BBX: variants seen among roughly 807,000 people sequenced by gnomAD.
The protein encoded by BBX is BBX high mobility group box domain containing, also known as HMG box transcription factor BBX.
In BBX, 30 loss-of-function variants were observed where a neutral mutation model predicts 100.2. That is an observed-to-expected ratio of 0.30 (90% CI 0.22 to 0.41). BBX has a LOEUF of 0.41. Ranked by LOEUF, BBX falls within the 10% of genes least tolerant of loss-of-function variation. The pLI is 1.00. For synonymous variants in BBX, 376 were observed against 388.1 expected (o/e 0.97, Z 0.37); for missense variants, 1,023 against 1,129.8 (o/e 0.91, Z 1.35).
At chr3:107,698,125 C>T (rs1374357292) in intron 3 of BBX, among the ~76,000 whole-genome samples, 1 of 151,792 alleles carries the variant, frequency 6.6e-6, no homozygotes, top group Non-Finnish European at 1.5e-5. Flanking sequence ...GAACCCGGTA[C>T]CTCAGATGGA....
intron 2 of BBX, among the ~76,000 whole-genome samples, chr3:107,632,163 G>T (rs1462821965): frequency 1.3e-5 from 2 of 152,030 alleles, no homozygotes; most frequent in Non-Finnish European, 2.9e-5. Context: ...TGCAACCTCC[G>T]CCTCCTGGGT....
intron 2 of BBX, among the ~76,000 whole-genome samples, chr3:107,621,434 G>A (rs1016371866): frequency 3.9e-5 from 6 of 152,130 alleles, no homozygotes; most frequent in Admixed American, 2.0e-4. Flanking sequence ...CTACCTCATG[G>A]ATATGCACAT....
chr3:107,763,287 C>G (rs749355774), intron 10 of BBX, among the ~76,000 whole-genome samples: 1 of 150,524 alleles, frequency 6.6e-6, no homozygotes, highest in African/African-American at 2.4e-5. Flanking sequence ...TGCGGTGGCG[C>G]GATCTCGGCT....
chr3:107,630,646 C>T (rs749076974), intron 2 of BBX, among the ~76,000 whole-genome samples: 60 of 152,054 alleles, frequency 3.9e-4, no homozygotes, highest in Non-Finnish European at 1.3e-4. Flanking sequence ...TAATTCAGTG[C>T]GTAAAACATG....
intron 3 of BBX, among the ~76,000 whole-genome samples, chr3:107,679,059 G>T: frequency 6.6e-6 from 1 of 151,566 alleles, no homozygotes; most frequent in East Asian, 1.9e-4. Flanking sequence ...GTGTCAAATC[G>T]CATGAGATAT....
intron 2 of BBX, among the ~76,000 whole-genome samples, chr3:107,610,415 T>A (rs1044192475): frequency 6.6e-6 from 1 of 152,030 alleles, no homozygotes; most frequent in Non-Finnish European, 1.5e-5. Flanking sequence ...TCTTTGTTAA[T>A]TTTCTGTCCA....
intron 7 of BBX, among the ~76,000 whole-genome samples, chr3:107,742,273 T>G (rs569459235): frequency 6.6e-6 from 1 of 152,176 alleles, no homozygotes; most frequent in African/African-American, 2.4e-5. Context: ...TGTCTTATCC[T>G]GCTGCTGGCA....
At chr3:107,716,463 A>G in intron 4 of BBX, 144 bp from the exon 5 acceptor site, 1 of 1,042,300 alleles carries the variant, frequency 9.6e-7, no homozygotes, top group Non-Finnish European at 1.4e-6. Context: ...GTGGTTGTTG[A>G]TTTTTTAAAA....
rs376079516 is a variant in BBX, at chr3:107,789,839, T to C, written c.2256T>C (p.Tyr752=). 3.0e-5 allele frequency: 47 copies of C among 1,550,350 alleles called. No individual in the cohort carries two copies. Among genetic ancestry groups the C allele is most frequent in the East Asian group, 4.9e-5 (2 of 40,906 alleles). Residue 752 remains tyrosine, a synonymous_variant, in exon 14 of 18, where the codon TAT becomes TAC. Coordinates refer to ENST00000325805, the MANE Select transcript of BBX (RefSeq NM_001142568.3). ...TATTCCACAAAATTGTCAGCAAATA[T>C]AAGCACAAAAAGGAGAAGCCCAATG... ...KNLFHKIVSK[Y]KHKKEKPNVP... is the part of the protein sequence containing the mutation.
chr3:107,760,050 T>C (rs1375127034), intron 10 of BBX, among the ~76,000 whole-genome samples: 1 of 152,224 alleles, frequency 6.6e-6, no homozygotes, highest in African/African-American at 2.4e-5. Flanking sequence ...TCCTCTGAGG[T>C]AGCTACTATC....
intron 2 of BBX, among the ~76,000 whole-genome samples, chr3:107,580,190 T>G (rs530388434): frequency 2.0e-5 from 3 of 152,268 alleles, no homozygotes; most frequent in African/African-American, 7.2e-5. Flanking sequence ...CATAGGAAAT[T>G]ATGAAACATT....
At chr3:107,804,016 T>A (rs1446400493) in intron 17 of BBX, among the ~76,000 whole-genome samples, 13 of 151,916 alleles carry the variant, frequency 8.6e-5, no homozygotes, top group Admixed American at 8.5e-4. Context: ...ATCTTAAAAG[T>A]AAAAAGTAGC....
chr3:107,703,015 C>T (rs2061175754), intron 3 of BBX, among the ~76,000 whole-genome samples: 1 of 152,098 alleles, frequency 6.6e-6, no homozygotes, highest in South Asian at 2.1e-4. Context: ...GTGATCAATA[C>T]GTATGTGTTC....
chr3:107,694,901 A>G (rs1254729914), intron 3 of BBX, among the ~76,000 whole-genome samples: 8 of 151,744 alleles, frequency 5.3e-5, no homozygotes, highest in Non-Finnish European at 8.8e-5. Context: ...CAGAGATTCA[A>G]CTTCTTCCTG....
intron 2 of BBX, among the ~76,000 whole-genome samples, chr3:107,559,369 T>C (rs1204580891): frequency 6.6e-6 from 1 of 151,900 alleles, no homozygotes; most frequent in East Asian, 1.9e-4. Flanking sequence ...GGAAAAGAAA[T>C]AGATTGAAAA....
chr3:107,763,290 T>C (rs2066058987), intron 10 of BBX, among the ~76,000 whole-genome samples: 2 of 151,360 alleles, frequency 1.3e-5, no homozygotes, highest in African/African-American at 2.4e-5. Flanking sequence ...GGTGGCGCGA[T>C]CTCGGCTCAC....
chr3:107,644,716 A>G (rs1471637053), intron 2 of BBX, among the ~76,000 whole-genome samples: 1 of 152,178 alleles, frequency 6.6e-6, no homozygotes, highest in East Asian at 1.9e-4. Flanking sequence ...TCTTTTATCT[A>G]TGCCCTTGTT....
chr3:107,702,877 A>G (rs1560003192), intron 3 of BBX, among the ~76,000 whole-genome samples: 2 of 152,064 alleles, frequency 1.3e-5, no homozygotes, highest in Non-Finnish European at 1.5e-5. Context: ...GGCCTGGGAG[A>G]GCAGAGAAAG....
intron 8 of BBX, among the ~76,000 whole-genome samples, chr3:107,746,817 T>C (rs1403497165): frequency 1.3e-5 from 2 of 152,180 alleles, no homozygotes; most frequent in Non-Finnish European, 2.9e-5. Flanking sequence ...CCCTGTTGTT[T>C]TTCTAACCAG....
Sources: gnomAD v4.1 joint callset for allele counts (sites outside exome capture counted in the v4.1 genomes callset) on GRCh38, gnomAD v4.1.1 for gene constraint, MANE v1.5 for transcripts, NCBI Gene and HGNC (gene_info 2026-07-23, HGNC 2026-07-21) for gene names.